GAB2: variants seen among roughly 807,000 people sequenced by gnomAD.
GAB2 encodes the protein GRB2-associated-binding protein 2.
GAB2 carries 26 observed loss-of-function variants against 65.5 expected under a neutral mutation model. That is an observed-to-expected ratio of 0.40 (90% CI 0.29 to 0.55). The LOEUF is 0.55. Among genes scored for constraint, GAB2 ranks in the 20% least tolerant of loss-of-function variants. The pLI is 0.53. For synonymous variants in GAB2, 321 were observed against 329.6 expected (o/e 0.97, Z 0.28); for missense variants, 884 against 875.8 (o/e 1.01, Z -0.12).
At chr11:78,272,914 G>A (rs1350644172) in intron 2 of GAB2, among the ~76,000 whole-genome samples, 2 of 152,228 alleles carry the variant, frequency 1.3e-5, no homozygotes, top group South Asian at 2.1e-4. Flanking sequence ...GTGACTAAAA[G>A]GGGCCAAGGT....
intron 1 of GAB2, among the ~76,000 whole-genome samples, chr11:78,286,361 G>C (rs1336007172): frequency 6.6e-6 from 1 of 152,012 alleles, no homozygotes; most frequent in Non-Finnish European, 1.5e-5. Flanking sequence ...CCCAGGTAGA[G>C]CTGGAGGTGC....
At chr11:78,286,141 TTCC>T (rs1866475058) in intron 1 of GAB2, among the ~76,000 whole-genome samples, 2 of 152,358 alleles carry the variant, frequency 1.3e-5, no homozygotes, top group South Asian at 2.1e-4. Context: ...ACAGCATGAA[TTCC>T]TCGTCTCACA....
At chr11:78,383,580 C>CCAAAAAAAAAAAAAAAAAAAAAAA in intron 1 of GAB2, among the ~76,000 whole-genome samples, 1 of 84,726 alleles carries the variant, frequency 1.2e-5, no homozygotes, top group Non-Finnish European at 2.2e-5. Flanking sequence ...CCCTGTCTCT[C>CCAAAAAAAAAAAAAAAAAAAAAAA]CAAAAAAAAA....
intron 1 of GAB2, among the ~76,000 whole-genome samples, chr11:78,360,597 C>A (rs1341657448): frequency 2.0e-5 from 3 of 152,058 alleles, no homozygotes; most frequent in African/African-American, 7.2e-5. Context: ...GTGGCTCATG[C>A]CTGTAATCAC....
chr11:78,327,054 A>C (rs1159225331), intron 1 of GAB2, among the ~76,000 whole-genome samples: 2 of 152,194 alleles, frequency 1.3e-5, no homozygotes, highest in Non-Finnish European at 2.9e-5. Context: ...GTCTATACTC[A>C]AGATCATTCC....
chr11:78,376,007 A>T (rs1368727608), intron 1 of GAB2, among the ~76,000 whole-genome samples: 1 of 152,224 alleles, frequency 6.6e-6, no homozygotes, highest in Non-Finnish European at 1.5e-5. Flanking sequence ...ATAGTCTAAC[A>T]GAGGGAAGTT....
intron 1 of GAB2, among the ~76,000 whole-genome samples, chr11:78,333,676 G>A (rs575631081): frequency 2.0e-5 from 3 of 152,316 alleles, no homozygotes; most frequent in African/African-American, 4.8e-5. Context: ...AGGGAGAACA[G>A]TAAGTTTTTC....
At chr11:78,246,779 G>C (rs182983613) in intron 3 of GAB2, among the ~76,000 whole-genome samples, 1 of 152,156 alleles carries the variant, frequency 6.6e-6, no homozygotes, top group African/African-American at 2.4e-5. Flanking sequence ...AATTATAGGC[G>C]TGAGCCACCG....
intron 1 of GAB2, among the ~76,000 whole-genome samples, chr11:78,307,628 G>GACAGAGAGAGAGAGAC (rs1855395937): frequency 1.3e-5 from 2 of 151,246 alleles, no homozygotes; most frequent in African/African-American, 4.9e-5. Context: ...GAGAGAGAGA[G>GACAGAGAGAGAGAGAC]AGAGAGATGT....
chr11:78,400,901 CAA>C (rs59240034), intron 1 of GAB2, among the ~76,000 whole-genome samples: 1,835 of 65,064 alleles, frequency 0.028, 24 homozygotes, highest in African/African-American at 0.1. Context: ...GAGACTGTCT[CAA>C]AAAAAAAAAA....
At chr11:78,321,219 G>T (rs1855717495) in intron 1 of GAB2, among the ~76,000 whole-genome samples, 1 of 152,156 alleles carries the variant, frequency 6.6e-6, no homozygotes, top group African/African-American at 2.4e-5. Context: ...ATTAACCTTA[G>T]CACAGTACTA....
At chr11:78,358,283 C>T (rs1280472372) in intron 1 of GAB2, among the ~76,000 whole-genome samples, 7 of 95,990 alleles carry the variant, frequency 7.3e-5, no homozygotes, top group East Asian at 5.5e-4. Context: ...CATCACACAC[C>T]GGGGCCTGTT....
At chr11:78,297,953 T>C (rs1405065337) in intron 1 of GAB2, among the ~76,000 whole-genome samples, 6 of 152,158 alleles carry the variant, frequency 3.9e-5, no homozygotes, top group African/African-American at 7.2e-5. Flanking sequence ...TTGAGGGGAA[T>C]GGGCATATAA....
intron 8 of GAB2, among the ~76,000 whole-genome samples, chr11:78,221,461 G>A (rs930644193): frequency 1.8e-4 from 28 of 152,150 alleles, no homozygotes; most frequent in Admixed American, 9.8e-4. Context: ...CCATGACTTC[G>A]TTGGGACAGG....
intron 2 of GAB2, among the ~76,000 whole-genome samples, chr11:78,264,599 G>A (rs556322963): frequency 1.3e-5 from 2 of 151,888 alleles, no homozygotes; most frequent in African/African-American, 4.8e-5. Flanking sequence ...TAGTGTCGGG[G>A]TTTCGCCATG....
chr11:78,281,120 A>T (rs1317671449), intron 1 of GAB2, among the ~76,000 whole-genome samples: 1 of 152,012 alleles, frequency 6.6e-6, no homozygotes, highest in Non-Finnish European at 1.5e-5. Flanking sequence ...CGCCCAGCTA[A>T]TTAAAACATT....
rs898648816 is a variant in GAB2 at position 78,217,086 on chromosome 11, C to T, written c.*2186G>A. 1 of 152,502 alleles carries T rather than the reference C, an allele frequency of 6.6e-6. No homozygotes were observed. The allele number at this position is 152,502 out of a possible 1,614,324, so 9.4% of individuals were successfully genotyped here. A position where few individuals can be genotyped will look rare whatever the true frequency, so the allele number is the denominator to read the frequency against. On this transcript the variant is annotated 3_prime_UTR_variant, in exon 10 of 10. Coordinates refer to ENST00000361507, the MANE Select transcript of GAB2 (RefSeq NM_080491.3). Reference sequence around the variant, plus strand: ...CCTCTGTAAAAATCTGACTCATCCCCTTCTAAGGCCTACCTCAGGCACTCC... The same window carrying T: ...CCTCTGTAAAAATCTGACTCATCCCTTTCTAAGGCCTACCTCAGGCACTCC...
At chr11:78,311,212 C>T (rs1403013362) in intron 1 of GAB2, among the ~76,000 whole-genome samples, 1 of 151,980 alleles carries the variant, frequency 6.6e-6, no homozygotes, top group Non-Finnish European at 1.5e-5. Flanking sequence ...TTTCTTCCCC[C>T]CATATTTACT....
At chr11:78,384,724 T>C (rs1008503747) in intron 1 of GAB2, among the ~76,000 whole-genome samples, 2 of 152,140 alleles carry the variant, frequency 1.3e-5, no homozygotes, top group Non-Finnish European at 2.9e-5. Flanking sequence ...GGGTCTGTTC[T>C]AGAAAGAATA....
Sources: allele counts gnomAD v4.1 joint callset (sites outside exome capture counted in the v4.1 genomes callset), GRCh38; gene constraint gnomAD v4.1.1; transcripts MANE v1.5; gene names NCBI Gene and HGNC (gene_info 2026-07-23, HGNC 2026-07-21).